PIK3C2G: variants seen among roughly 807,000 people sequenced by gnomAD.
PIK3C2G encodes the protein phosphatidylinositol 3-kinase C2 domain-containing subunit gamma.
PIK3C2G carries 168 observed loss-of-function variants against 181.1 expected under a neutral mutation model. The observed-to-expected ratio is 0.93, with a 90% CI of 0.82 to 1.05. The LOEUF is 1.05. Ranked by LOEUF, PIK3C2G falls within the 50% of genes least tolerant of loss-of-function variation. PIK3C2G has a pLI of 0.00. For synonymous variants in PIK3C2G, 573 were observed against 592.2 expected (o/e 0.97, Z 0.47); for missense variants, 1,869 against 1,732.8 (o/e 1.08, Z -1.40).
intron 15 of PIK3C2G, among the ~76,000 whole-genome samples, chr12:18,395,394 A>G (rs1315952744): frequency 4.6e-5 from 7 of 150,924 alleles, no homozygotes; most frequent in African/African-American, 1.7e-4. Flanking sequence ...AACTTTTTCA[A>G]ATTAGAACTC....
chr12:18,268,650 A>T (rs1948613602), intron 1 of PIK3C2G, among the ~76,000 whole-genome samples: 2 of 152,152 alleles, frequency 1.3e-5, no homozygotes, highest in South Asian at 4.1e-4. Context: ...CATAATTCAG[A>T]TACTTGTTTT....
At chr12:18,410,430 A>T (rs1416917259) in intron 16 of PIK3C2G, among the ~76,000 whole-genome samples, 1 of 149,580 alleles carries the variant, frequency 6.7e-6, no homozygotes, top group Non-Finnish European at 1.5e-5. Flanking sequence ...ACTTGGACCT[A>T]GGAGGTGGAG....
At chr12:18,688,828 T>C in the PIK3C2G span, among the ~76,000 whole-genome samples, 1 of 152,112 alleles carries the variant, frequency 6.6e-6, no homozygotes, top group Non-Finnish European at 1.5e-5. Context: ...ATTTGAAATG[T>C]ACTGACTTAG....
chr12:18,715,356 TTAAGAA>T, the PIK3C2G span, among the ~76,000 whole-genome samples: 3 of 151,998 alleles, frequency 2.0e-5, no homozygotes, highest in African/African-American at 7.2e-5. Flanking sequence ...CAAATCTTTA[TTAAGAA>T]TAATTAAATT....
rs374310738 is a variant in PIK3C2G, at chr12:18,488,489, T to C, written c.2545T>C (p.Trp849Arg). Residue 849 changes from tryptophan (W) to arginine (R), a missense_variant, in exon 19 of 33, where the codon TGG becomes CGG. Physicochemically the swap from Trp to Arg is moderately radical, Grantham distance 101. Coordinates refer to ENST00000538779, the MANE Select transcript of PIK3C2G (RefSeq NM_001288772.2). The part of the protein sequence containing the change: ...NAENEAYFKS[W>R]YQKLLAALQF... Reference sequence around the variant, plus strand: ...AGAAAATGAAGCTTATTTTAAAAGCTGGTATCAGAAGCTACTAGCTGCTCT... The same window carrying C: ...AGAAAATGAAGCTTATTTTAAAAGCCGGTATCAGAAGCTACTAGCTGCTCT... 4 of 1,541,802 alleles carry C rather than the reference T, an allele frequency of 2.6e-6. No individual in the cohort carries two copies. The highest frequency in any genetic ancestry group is 3.5e-6 in the Non-Finnish European group (4 of 1,146,432).
chr12:18,303,134 C>CTTTCTTTCT (rs1018775688), intron 5 of PIK3C2G, among the ~76,000 whole-genome samples: 2 of 142,688 alleles, frequency 1.4e-5, no homozygotes, highest in African/African-American at 2.6e-5. Flanking sequence ...TTCTTTCTTT[C>CTTTCTTTCT]TTTCTTTTCT....
chr12:18,701,519 C>T, the PIK3C2G span: 6 of 1,613,878 alleles, frequency 3.7e-6, no homozygotes, highest in South Asian at 5.5e-5. Flanking sequence ...TCTTGAAAAG[C>T]ATTACTCCAG....
intron 18 of PIK3C2G, among the ~76,000 whole-genome samples, chr12:18,475,939 T>C (rs1365918140): frequency 6.6e-6 from 1 of 152,152 alleles, no homozygotes; most frequent in South Asian, 2.1e-4. Flanking sequence ...TTAATTCATT[T>C]ATTCAAGAAA....
At chr12:18,542,313 T>C (rs1436787236) in intron 25 of PIK3C2G, among the ~76,000 whole-genome samples, 9 of 151,890 alleles carry the variant, frequency 5.9e-5, no homozygotes, top group African/African-American at 2.2e-4. Context: ...TGTGTCTTCC[T>C]ATGGTTGATT....
chr12:18,681,512 T>C, the PIK3C2G span, among the ~76,000 whole-genome samples: 333 of 152,186 alleles, frequency 2.2e-3, no homozygotes, highest in Admixed American at 5.4e-3. Context: ...TCTGGAGTTT[T>C]ACATGAATAA....
chr12:18,577,794 A>C (rs141240442), intron 29 of PIK3C2G, among the ~76,000 whole-genome samples: 1 of 152,322 alleles, frequency 6.6e-6, no homozygotes, highest in Admixed American at 6.5e-5. Context: ...GAGATGTACA[A>C]TCTACATCTC....
At chr12:18,408,105 C>T (rs1433943981) in intron 16 of PIK3C2G, among the ~76,000 whole-genome samples, 1 of 152,048 alleles carries the variant, frequency 6.6e-6, no homozygotes, top group Non-Finnish European at 1.5e-5. Context: ...GTGAGGAAAG[C>T]AAAAATAAAT....
rs114639530 is a variant in PIK3C2G, at chr12:18,454,020, C to T, written c.2504+29981C>T. 2.4e-4 allele frequency among the ~76,000 whole-genome samples: 36 copies of T among 152,204 alleles called. 1 individual carries two copies. The East Asian group carries it at 3.3e-3, about 14-fold the overall frequency. On this transcript the variant is annotated intron_variant, in intron 18 of 32. Transcript: ENST00000538779. Reference sequence around the variant, plus strand: ...TGCCTTTGTACACCTATCTGATACACGTCTTCTTTTCAAAACAGAGTTTTT... The same window carrying T: ...TGCCTTTGTACACCTATCTGATACATGTCTTCTTTTCAAAACAGAGTTTTT...
chr12:18,682,899 C>T, the PIK3C2G span, among the ~76,000 whole-genome samples: 1 of 151,938 alleles, frequency 6.6e-6, no homozygotes, highest in Admixed American at 6.6e-5. Flanking sequence ...TTTTATACTG[C>T]TAAATATTTG....
intron 6 of PIK3C2G, chr12:18,320,169 C>T (rs1008351057): frequency 4.6e-5 from 7 of 152,164 alleles, no homozygotes; most frequent in Non-Finnish European, 7.3e-5. Context: ...TACATACACC[C>T]TAGGCATTAA....
chr12:18,335,004 G>A (rs1184302802), intron 8 of PIK3C2G, among the ~76,000 whole-genome samples: 1 of 152,072 alleles, frequency 6.6e-6, no homozygotes, highest in African/African-American at 2.4e-5. Flanking sequence ...TTCCTACTAT[G>A]AGTAGTATAA....
chr12:18,716,345 T>C, the PIK3C2G span, among the ~76,000 whole-genome samples: 1 of 152,190 alleles, frequency 6.6e-6, no homozygotes, highest in Non-Finnish European at 1.5e-5. Flanking sequence ...ATTTTATCCA[T>C]GGATCAAGTC....
chr12:18,477,751 G>A (rs771255765), intron 18 of PIK3C2G, among the ~76,000 whole-genome samples: 13 of 152,148 alleles, frequency 8.5e-5, no homozygotes, highest in Non-Finnish European at 1.8e-4. Flanking sequence ...GAATCTCACT[G>A]TTTGTGACTC....
chr12:18,340,367 G>A (rs965040584), intron 9 of PIK3C2G, among the ~76,000 whole-genome samples: 6 of 152,030 alleles, frequency 3.9e-5, no homozygotes, highest in African/African-American at 7.2e-5. Flanking sequence ...TGTCATCCTC[G>A]GCCACATGTG....
Sources: gnomAD v4.1 joint callset for allele counts (sites outside exome capture counted in the v4.1 genomes callset) on GRCh38, gnomAD v4.1.1 for gene constraint, MANE v1.5 for transcripts, NCBI Gene and HGNC (gene_info 2026-07-23, HGNC 2026-07-21) for gene names.